RYR1: variants seen among roughly 807,000 people sequenced by gnomAD.
The protein encoded by RYR1 is central core disease of muscle.
In RYR1, 342 loss-of-function variants were observed where a neutral mutation model predicts 583.5. The observed-to-expected ratio is 0.59, with a 90% CI of 0.54 to 0.64. The LOEUF is 0.64. Among genes scored for constraint, RYR1 ranks in the 30% least tolerant of loss-of-function variants. The probability of loss-of-function intolerance (pLI) is 0.00; values close to 1 mark genes in which losing one functional copy is unlikely to be tolerated. For synonymous variants in RYR1, 2,791 were observed against 2,822.5 expected (o/e 0.99, Z 0.35); for missense variants, 6,032 against 6,917.2 (o/e 0.87, Z 4.54).
At chr19:38,519,880 T>C (rs1027807804) in intron 67 of RYR1, among the ~76,000 whole-genome samples, 79 of 152,106 alleles carry the variant, frequency 5.2e-4, no homozygotes, top group Middle Eastern at 3.4e-3. Flanking sequence ...ATTTTCACCA[T>C]GTTGGCCAGG....
rs1046317865 is a variant in RYR1 at position 38,561,941 on chromosome 19, G to A, written c.12624+487G>A. Among the ~76,000 whole-genome samples, 1 of 152,102 alleles carries A rather than the reference G, an allele frequency of 6.6e-6. No homozygotes were observed. Among genetic ancestry groups the A allele is most frequent in the African/African-American group, 2.4e-5 (1 of 41,426 alleles). On this transcript the variant is annotated intron_variant, in intron 90 of 105. Coordinates refer to ENST00000359596, the MANE Select transcript of RYR1 (RefSeq NM_000540.3). The surrounding 1 kb of genome is among the most constrained non-coding windows in gnomAD (Gnocchi z 4.8). ...ACGCTCGCCTTGGGGGCTCTGGGGT[G>A]CCCTGGCATGCTGACCCACCCTTCA... is the stretch of plus-strand genomic sequence containing the variant.
At chr19:38,514,217 A>G (rs966463093) in intron 63 of RYR1, among the ~76,000 whole-genome samples, 10 of 151,722 alleles carry the variant, frequency 6.6e-5, no homozygotes, top group Non-Finnish European at 1.2e-4. Context: ...ATCACTTGAG[A>G]CCAGGAGTTT....
At chr19:38,442,621 T>G (rs1371164423) in intron 3 of RYR1, among the ~76,000 whole-genome samples, 168 bp downstream of exon 3, 1 of 152,002 alleles carries the variant, frequency 6.6e-6, no homozygotes, top group Non-Finnish European at 1.5e-5. Context: ...TTTGGATAAG[T>G]GGGTAGGTCC....
intron 2 of RYR1, 46 bp downstream of exon 2, chr19:38,440,910 G>A (rs1972645847): frequency 1.3e-6 from 2 of 1,591,276 alleles, no homozygotes. Flanking sequence ...GCGTCTGAAG[G>A]GGCAGAGAAT....
chr19:38,577,711 G>A (rs1473048683), intron 97 of RYR1, among the ~76,000 whole-genome samples: 1 of 152,010 alleles, frequency 6.6e-6, no homozygotes, highest in African/African-American at 2.4e-5. Context: ...CAGGAGAATC[G>A]CTTGAACCCG....
rs1967994315 is a variant in RYR1 at position 38,464,641 on chromosome 19, C to T, written c.2789C>T (p.Thr930Ile). ...CGCCTCCACTCCCCCACCCCCAGGA[C>T]TCTGCTGGCTCTGGGCTGCCACGTG... ...NLQMSGETLK[T>I]LLALGCHVGM... The change falls in exon 23 of 106, where the codon ACT becomes ATT. Residue 930 changes from threonine (T) to isoleucine (I), a missense_variant and splice_region_variant. Physicochemically the swap from Thr to Ile is moderately conservative, Grantham distance 89 (BLOSUM62 -1). Around this residue, in one of 11 missense-constraint regions of RYR1, gnomAD observed 2,627 missense variants for 2,961.3 expected, o/e 0.89. Coordinates refer to ENST00000359596, the MANE Select transcript of RYR1 (RefSeq NM_000540.3). 6.3e-7 allele frequency: 1 copy of T among 1,580,084 alleles called. No homozygotes were observed. Among genetic ancestry groups the T allele is most frequent in the East Asian group, 2.3e-5 (1 of 43,478 alleles).
intron 83 of RYR1, among the ~76,000 whole-genome samples, chr19:38,537,321 C>T (rs1972017891): frequency 6.6e-6 from 1 of 152,174 alleles, no homozygotes; most frequent in Non-Finnish European, 1.5e-5. Context: ...TGATTTGCTT[C>T]TTTCAGATGC....
chr19:38,561,511 C>T lies in RYR1; in HGVS notation c.12624+57C>T. 6.6e-7 allele frequency: 1 copy of T among 1,526,262 alleles called. No individual in the cohort carries two copies. Among genetic ancestry groups the T allele is most frequent in the Non-Finnish European group, 8.9e-7 (1 of 1,126,796 alleles). 94.5% of individuals were successfully genotyped at this position (1,526,262 alleles called of 1,614,324 possible). The stretch of plus-strand genomic sequence containing the variant: ...TCCTGGGGCTTCGGGCATGCGGGTG[C>T]TCACTTCCTGCACCCTCAGACCCCA... On this transcript the variant is annotated intron_variant, in intron 90 of 105. Transcript: ENST00000359596. This position sits in a 1 kb window ranked among gnomAD's most constrained non-coding sequence, Gnocchi z 4.8.
At chr19:38,507,331 G>A (rs1196447450) in intron 57 of RYR1, among the ~76,000 whole-genome samples, 2 of 142,592 alleles carry the variant, frequency 1.4e-5, no homozygotes, top group Non-Finnish European at 3.1e-5. Flanking sequence ...TAGGGCCAAA[G>A]AGGAAGAGGC....
In RYR1 at chr19:38,537,636, C is replaced by T. The variant is rs138997668; in HGVS notation, c.11609-244C>T. 4.9e-4 allele frequency among the ~76,000 whole-genome samples: 74 copies of T among 152,318 alleles called. No homozygotes were observed. The East Asian group carries it at 0.013, about 26-fold the overall frequency. ...CACTGATGTAGAAAGACACTTGAGGCCCCAGCTTCATGACTCAGGGCCCCT... is the reference window on the plus strand; with the variant it reads ...CACTGATGTAGAAAGACACTTGAGGTCCCAGCTTCATGACTCAGGGCCCCT... On this transcript the variant is annotated intron_variant, in intron 83 of 105. Transcript: ENST00000359596.
intron 58 of RYR1, among the ~76,000 whole-genome samples, chr19:38,508,151 G>A (rs1228045588): frequency 2.0e-5 from 3 of 152,154 alleles, no homozygotes; most frequent in African/African-American, 7.2e-5. Flanking sequence ...GATTGGGAGT[G>A]TGGAGCCAGT....
rs1300347395 is a variant in RYR1 at position 38,505,895 on chromosome 19, G to A, written c.8490G>A (p.Glu2830=). The change falls in exon 54 of 106, where the codon GAG becomes GAA. Residue 2830 remains glutamate, a synonymous_variant. Coordinates refer to ENST00000359596, the MANE Select transcript of RYR1 (RefSeq NM_000540.3). ...CGATAGAGAAGGCCAGGGAGGGTGA[G>A]GAGGAGAAGACGGAAAAGAAAAAAA... ...EWTIEKAREG[E]EEKTEKKKTR... is the part of the protein sequence containing the mutation. 1.2e-6 allele frequency: 2 copies of A among 1,614,000 alleles called. No homozygotes were observed. The highest frequency in any genetic ancestry group is 1.7e-6 in the Non-Finnish European group (2 of 1,179,982).
Position 38,455,385 on chromosome 19 carries a change from C to A in RYR1, c.1576+15C>A. 6.2e-7 allele frequency: 1 copy of A among 1,614,064 alleles called. No individual in the cohort carries two copies. On this transcript the variant is annotated intron_variant, in intron 14 of 105. Coordinates refer to ENST00000359596, the MANE Select transcript of RYR1 (RefSeq NM_000540.3). ...TGAACTCCTAGGTAGGGGTCCCAGT[C>A]CTGACTCCCCTGAGAACACCCCAGA... is the stretch of plus-strand genomic sequence containing the variant.
chr19:38,536,766 C>A lies in RYR1; in HGVS notation c.11607C>A (p.Asn3869Lys), dbSNP rs916928825. The A allele has an allele frequency of 6.2e-7, 1 of 1,613,734 alleles. No individual in the cohort carries two copies. The highest frequency in any genetic ancestry group is 8.5e-7 in the Non-Finnish European group (1 of 1,179,916). Residue 3869 changes from asparagine (N) to lysine (K), a missense_variant and splice_region_variant, in exon 83 of 106, where the codon AAC becomes AAA. Around this residue, in one of 11 missense-constraint regions of RYR1, gnomAD observed 1,493 missense variants for 1,715.5 expected, o/e 0.87. Transcript: ENST00000359596. ...CTGCCCCAGTCATCAATCGCCAGAA[C>A]GGTAATTCCCCCAGCCCACCCCCGT... ...NEDGTVINRQ[N>K]GEKVMADDEF...
intron 87 of RYR1, among the ~76,000 whole-genome samples, chr19:38,544,885 T>C (rs1319628358): frequency 6.6e-6 from 1 of 151,950 alleles, no homozygotes; most frequent in Non-Finnish European, 1.5e-5. Flanking sequence ...TTAAGAAAAA[T>C]AAAGAATTTA....
intron 83 of RYR1, among the ~76,000 whole-genome samples, chr19:38,537,401 T>A (rs1416208603): frequency 1.3e-5 from 2 of 152,160 alleles, no homozygotes; most frequent in South Asian, 2.1e-4. Flanking sequence ...TCAAGGCATC[T>A]GGGCCAATTG....
intron 13 of RYR1, among the ~76,000 whole-genome samples, chr19:38,454,075 C>T (rs990053521): frequency 2.6e-5 from 4 of 152,154 alleles, no homozygotes; most frequent in African/African-American, 7.2e-5. Context: ...CTCTCTCTGT[C>T]ACCCAGGCTG....
chr19:38,481,665 A>T (rs913187779), intron 31 of RYR1, among the ~76,000 whole-genome samples: 4 of 152,222 alleles, frequency 2.6e-5, no homozygotes, highest in African/African-American at 9.6e-5. Context: ...GGGCACCTGC[A>T]GTTCCAGCTA....
intron 20 of RYR1, among the ~76,000 whole-genome samples, chr19:38,462,950 G>T (rs1351802181): frequency 7.9e-6 from 1 of 125,892 alleles, no homozygotes; most frequent in East Asian, 2.5e-4. Context: ...AGGCTGAAGT[G>T]CAGTGGCACA....
Sources: gnomAD v4.1 joint callset for allele counts (sites outside exome capture counted in the v4.1 genomes callset) on GRCh38, gnomAD v4.1.1 for gene constraint, gnomAD v4.1.1 regional missense constraint, Gnocchi (gnomAD v3.1) non-coding constraint, MANE v1.5 for transcripts, NCBI Gene and HGNC (gene_info 2026-07-23, HGNC 2026-07-21) for gene names.